The following CYGB variants were observed in gnomAD, a reference collection of about 807,000 sequenced individuals.
CYGB encodes histoglobin.
A neutral mutation model predicts 20.7 loss-of-function variants in CYGB; 13 were observed. The ratio of observed to expected loss-of-function variants is 0.63; its 90% CI spans 0.41 to 1.00. The LOEUF (loss-of-function observed/expected upper bound fraction) is 1.00. Ranked by LOEUF, CYGB falls within the 50% of genes least tolerant of loss-of-function variation. The pLI is 0.00. For missense variants in CYGB, 218 were observed against 257.2 expected (o/e 0.85, Z 1.04); for synonymous variants, 93 against 107.4 (o/e 0.87, Z 0.83).
At chr17:76,529,047 C>T (rs942701616) in intron 3 of CYGB, 43 of 327,464 alleles carry the variant, frequency 1.3e-4, no homozygotes, top group African/African-American at 2.5e-4. Flanking sequence ...TCATTGCGCC[C>T]CCCCCCCACC....
chr17:76,540,298 C>A, upstream of CYGB: 1 of 1,436,474 alleles, frequency 7.0e-7, no homozygotes, highest in Non-Finnish European at 9.5e-7. The surrounding 1 kb of genome is among the most constrained non-coding windows in gnomAD (Gnocchi z 5.0). Flanking sequence ...TGAAGGTGGG[C>A]AGGGGCTGCG....
Position 76,530,613 on chromosome 17 carries a change from G to A in CYGB, c.539+366C>T, listed in dbSNP as rs2074825035. Among the ~76,000 whole-genome samples, 1 of 152,180 alleles carries A rather than the reference G, an allele frequency of 6.6e-6. No individual in the cohort carries two copies. Among genetic ancestry groups the A allele is most frequent in the Admixed American group, 6.5e-5 (1 of 15,284 alleles). On this transcript the variant is annotated intron_variant, in intron 3 of 3. Transcript: ENST00000293230. This position sits in a 1 kb window ranked among gnomAD's most constrained non-coding sequence, Gnocchi z 6.1. ...TGGCACCCAGGGAGGAAGTGGCTGG[G>A]CTGACCTGGGCTGCCTCCGAGCCTG... is the stretch of plus-strand genomic sequence containing the variant.
chr17:76,527,720 T>C lies in CYGB; in HGVS notation c.*858A>G, dbSNP rs1269401743. On this transcript the variant is annotated 3_prime_UTR_variant, in exon 4 of 4. Transcript: ENST00000293230. ...CAGCCCGGATCCCCCGGGGCTGCCCTGGTGGCCAAGGCAGGTGGAGCTAGC... is the reference window on the plus strand; with the variant it reads ...CAGCCCGGATCCCCCGGGGCTGCCCCGGTGGCCAAGGCAGGTGGAGCTAGC... 2 of 453,916 alleles carry C rather than the reference T, an allele frequency of 4.4e-6. No individual in the cohort carries two copies. The highest frequency in any genetic ancestry group is 4.0e-5 in the African/African-American group (2 of 49,978). 28.1% of individuals were successfully genotyped at this position (453,916 alleles called of 1,614,324 possible).
chr17:76,544,308 G>A, intron 1 of CYGB: 1 of 454,450 alleles, frequency 2.2e-6, no homozygotes, highest in South Asian at 1.6e-5. Flanking sequence ...AGTAGAAGAT[G>A]GAGTTCTCTA....
At chr17:76,538,401 A>G (rs2074947973), upstream of CYGB, 1 of 408,210 alleles carries the variant, frequency 2.4e-6, no homozygotes, top group South Asian at 1.7e-5. Context: ...CTCGGGCGCC[A>G]GAGGCCTGCG....
At chr17:76,539,409 C>T (rs1319918981), upstream of CYGB, among the ~76,000 whole-genome samples, 2 of 152,164 alleles carry the variant, frequency 1.3e-5, no homozygotes, top group Admixed American at 6.5e-5. Flanking sequence ...CTGCACCTGT[C>T]TATTTTGTGA....
chr17:76,534,146 T>TCTCTCTCTCTCTCTC (rs2074885915), intron 1 of CYGB, among the ~76,000 whole-genome samples: 5 of 128,894 alleles, frequency 3.9e-5, no homozygotes, highest in Non-Finnish European at 3.3e-5. Flanking sequence ...CTCTTTCTCT[T>TCTCTCTCTCTCTCTC]TCTCTCTCTC....
At position 76,527,793 on chromosome 17, in the gene CYGB, C is replaced by T. The variant is rs770752303; in HGVS notation, c.*785G>A. 23 of 454,024 alleles carry T rather than the reference C, an allele frequency of 5.1e-5. No homozygotes were observed. Among genetic ancestry groups the T allele is most frequent in the South Asian group, 2.5e-4 (16 of 64,480 alleles). 28.1% of individuals were successfully genotyped at this position (454,024 alleles called of 1,614,324 possible). A position where few individuals can be genotyped will look rare whatever the true frequency, so the allele number is the denominator to read the frequency against. On this transcript the variant is annotated 3_prime_UTR_variant, in exon 4 of 4. Coordinates refer to ENST00000293230, the MANE Select transcript of CYGB (RefSeq NM_134268.5). ...CCCCTCCCCCAGTGCGGTCATCCCA[C>T]CCAGAACTTCGCTCTGCCCCTGCCC...
At chr17:76,529,893 G>A (rs2074814261) in intron 3 of CYGB, 2 of 985,198 alleles carry the variant, frequency 2.0e-6, no homozygotes, top group Non-Finnish European at 1.2e-6. Flanking sequence ...CCACTCTCTT[G>A]GGGTGGTGCT....
intron 1 of CYGB, among the ~76,000 whole-genome samples, chr17:76,548,291 G>C (rs1194190978): frequency 6.6e-6 from 1 of 152,116 alleles, no homozygotes; most frequent in African/African-American, 2.4e-5. Context: ...CACACAGAGA[G>C]ACATACACAT....
At chr17:76,532,667 G>A (rs1346370267) in intron 1 of CYGB, among the ~76,000 whole-genome samples, 14 of 151,910 alleles carry the variant, frequency 9.2e-5, no homozygotes, top group Admixed American at 9.2e-4. Context: ...GAGTAGCTGG[G>A]ACTACAGGCA....
At position 76,548,136 on chromosome 17, in the gene CYGB, TAC is replaced by T. The variant is rs575713338; in HGVS notation, c.-53+2724_-53+2725del. On this transcript the variant is annotated intron_variant, in intron 1 of 3. Coordinates refer to the CYGB transcript ENST00000589145. The stretch of plus-strand genomic sequence containing the variant: ...ACACATAATCACAGATACACATGCA[TAC>T]ACAGACATACACATTCACACATACA... 1.5e-4 allele frequency among the ~76,000 whole-genome samples: 22 copies of T among 151,116 alleles called. No individual in the cohort carries two copies. In the South Asian group the frequency reaches 2.5e-3, roughly 17 times the overall value.
At position 76,531,384 on chromosome 17, in the gene CYGB, C is replaced by T. The variant is rs577119680; in HGVS notation, c.375+76G>A. On this transcript the variant is annotated intron_variant, in intron 2 of 3. Transcript: ENST00000293230. This position sits in a 1 kb window ranked among gnomAD's most constrained non-coding sequence, Gnocchi z 7.4. ...GATCACCTCTGTTGCTCCAGAGAGC[C>T]GTCGCAGAGCCTGCGAGCTGCAGAT... 326 of 1,518,930 alleles carry T rather than the reference C, an allele frequency of 2.1e-4. No homozygotes were observed. Among genetic ancestry groups the T allele is most frequent in the Non-Finnish European group, 2.8e-4 (313 of 1,113,002 alleles). 94.1% of individuals were successfully genotyped at this position (1,518,930 alleles called of 1,614,324 possible).
Position 76,537,630 on chromosome 17 carries a change from C to T in CYGB, c.-88G>A, listed in dbSNP as rs1476996001. The T allele has an allele frequency of 3.1e-6, 3 of 973,964 alleles. No homozygotes were observed. In the South Asian group the frequency reaches 1.4e-4, roughly 45 times the overall value. 60.3% of individuals were successfully genotyped at this position (973,964 alleles called of 1,614,324 possible). A position where few individuals can be genotyped will look rare whatever the true frequency, so the allele number is the denominator to read the frequency against. On this transcript the variant is annotated 5_prime_UTR_variant, in exon 1 of 4. Transcript: ENST00000293230. Reference sequence around the variant, plus strand: ...GGCGCGGGGCGCCGGGAGCCGGGGCCGGCTGCGTGCGCGGCGGGCGGGCGA... The same window carrying T: ...GGCGCGGGGCGCCGGGAGCCGGGGCTGGCTGCGTGCGCGGCGGGCGGGCGA...
chr17:76,549,389 AAAG>A, intron 1 of CYGB, among the ~76,000 whole-genome samples: 1 of 152,356 alleles, frequency 6.6e-6, no homozygotes, highest in East Asian at 1.9e-4. Context: ...GCACTTTGGG[AAAG>A]AAGAAAGATA....
rs982098971 is a variant in CYGB, at chr17:76,528,277, C to T, written c.*301G>A. On this transcript the variant is annotated 3_prime_UTR_variant, in exon 4 of 4. Transcript: ENST00000293230. This position sits in a 1 kb window ranked among gnomAD's most constrained non-coding sequence, Gnocchi z 5.8. ...GGCTGGTTTATTCCCTAAGGGACTC[C>T]TAGACCTGTCCCGCTTCCTGCCAGC... 5.0e-6 allele frequency: 2 copies of T among 400,086 alleles called. No individual in the cohort carries two copies. Among genetic ancestry groups the T allele is most frequent in the East Asian group, 3.6e-5 (1 of 28,110 alleles). The allele number at this position is 400,086 out of a possible 1,614,324, so 24.8% of individuals were successfully genotyped here.
chr17:76,528,373 G>C lies in CYGB; in HGVS notation c.*205C>G, dbSNP rs762947995. 1 of 426,074 alleles carries C rather than the reference G, an allele frequency of 2.3e-6. No individual in the cohort carries two copies. The highest frequency in any genetic ancestry group is 4.0e-6 in the Non-Finnish European group (1 of 247,636). The allele number at this position is 426,074 out of a possible 1,614,324, so 26.4% of individuals were successfully genotyped here. ...GAGTGGGCCCCGCTCTGCCCGCCGCGCTGGGGTCAGCATCCAGGCAGCCAG... is the reference window on the plus strand; with the variant it reads ...GAGTGGGCCCCGCTCTGCCCGCCGCCCTGGGGTCAGCATCCAGGCAGCCAG... On this transcript the variant is annotated 3_prime_UTR_variant, in exon 4 of 4. Coordinates refer to ENST00000293230, the MANE Select transcript of CYGB (RefSeq NM_134268.5). The surrounding 1 kb of genome is among the most constrained non-coding windows in gnomAD (Gnocchi z 5.8).
At chr17:76,541,017 G>A (rs183270104), upstream of CYGB, among the ~76,000 whole-genome samples, 96 of 152,344 alleles carry the variant, frequency 6.3e-4, no homozygotes, top group African/African-American at 1.4e-3. Flanking sequence ...AGGCGCGGGA[G>A]GAGCATGACA....
chr17:76,527,863 G>A lies in CYGB; in HGVS notation c.*715C>T. On this transcript the variant is annotated 3_prime_UTR_variant, in exon 4 of 4. Coordinates refer to ENST00000293230, the MANE Select transcript of CYGB (RefSeq NM_134268.5). The stretch of plus-strand genomic sequence containing the variant: ...GTCAGTTCCTCTGAGGGAGTAGGGG[G>A]AGCCCACTCCTTTCTGCCTGGAAGT... 1 of 448,958 alleles carries A rather than the reference G, an allele frequency of 2.2e-6. No individual in the cohort carries two copies. The highest frequency in any genetic ancestry group is 4.5e-6 in the Non-Finnish European group (1 of 222,670). 27.8% of individuals were successfully genotyped at this position (448,958 alleles called of 1,614,324 possible).
Sources: allele counts gnomAD v4.1 joint callset (sites outside exome capture counted in the v4.1 genomes callset), GRCh38; gene constraint gnomAD v4.1.1; non-coding constraint Gnocchi (gnomAD v3.1); transcripts MANE v1.5; gene names NCBI Gene and HGNC (gene_info 2026-07-23, HGNC 2026-07-21).